Variants in RIN3 observed in about 807,000 individuals in gnomAD.
The protein encoded by RIN3 is Ras and Rab interactor 3, also known as RAB5 interacting protein 3.
RIN3 carries 54 observed loss-of-function variants against 76.3 expected under a neutral mutation model. The observed-to-expected ratio is 0.71, with a 90% confidence interval of 0.57 to 0.89. The LOEUF (loss-of-function observed/expected upper bound fraction) is 0.89. Among genes scored for constraint, RIN3 ranks in the 40% least tolerant of loss-of-function variants. The pLI is 0.00. For missense variants in RIN3, 1,256 were observed against 1,322.1 expected (o/e 0.95, Z 0.78); for synonymous variants, 576 against 564.0 (o/e 1.02, Z -0.30).
At position 92,536,874 on chromosome 14, in the gene RIN3, T is replaced by C. The variant is rs148177703; in HGVS notation, c.45-18877T>C. On this transcript the variant is annotated intron_variant, in intron 1 of 9. Transcript: ENST00000216487. The stretch of plus-strand genomic sequence containing the variant: ...TGGGAATGATAACCGAGTAACCTTA[T>C]AGCATTCTTTTAAAGGATTAAATTG... 1.1e-4 allele frequency among the ~76,000 whole-genome samples: 17 copies of C among 152,238 alleles called. No individual in the cohort carries two copies. The East Asian group carries it at 2.7e-3, about 24-fold the overall frequency.
intron 7 of RIN3, among the ~76,000 whole-genome samples, chr14:92,665,946 G>A (rs1459512305): frequency 6.6e-6 from 1 of 151,994 alleles, no homozygotes. Context: ...CTTGCTACCC[G>A]AGGTGTGGTA....
At chr14:92,605,880 C>T (rs1008567903) in intron 3 of RIN3, among the ~76,000 whole-genome samples, 3 of 152,156 alleles carry the variant, frequency 2.0e-5, no homozygotes, top group Non-Finnish European at 2.9e-5. Context: ...AAGAATTGAC[C>T]GTTAATTAAA....
At position 92,555,964 on chromosome 14, in the gene RIN3, G is replaced by A. The variant is rs750059421; in HGVS notation, c.249+9G>A. 1 of 1,609,690 alleles carries A rather than the reference G, an allele frequency of 6.2e-7. No individual in the cohort carries two copies. The highest frequency in any genetic ancestry group is 1.1e-5 in the South Asian group (1 of 90,952). ...ACCGGGTGGTGGCTGGGGTGAGTGG[G>A]GGCGTCTCCCACTTGGTAGGCACAC... On this transcript the variant is annotated intron_variant, in intron 2 of 9. Transcript: ENST00000216487.
intron 1 of RIN3, among the ~76,000 whole-genome samples, chr14:92,548,862 A>C (rs1595406541): frequency 6.6e-6 from 1 of 152,138 alleles, no homozygotes; most frequent in East Asian, 1.9e-4. Context: ...CTCGGGGGAC[A>C]CAATTCAACC....
intron 6 of RIN3, among the ~76,000 whole-genome samples, chr14:92,653,823 G>T (rs1404002257): frequency 6.6e-6 from 1 of 152,166 alleles, no homozygotes; most frequent in East Asian, 1.9e-4. Context: ...TTCAAGACCA[G>T]CCTGGGCAAC....
chr14:92,676,419 G>A (rs1294393074), intron 7 of RIN3, 56 bp from the exon 8 acceptor site: 4 of 1,594,182 alleles, frequency 2.5e-6, no homozygotes, highest in Non-Finnish European at 3.4e-6. Flanking sequence ...TGGGCAGAGA[G>A]CATCTCACAA....
At chr14:92,572,846 G>A (rs1898101540) in intron 2 of RIN3, among the ~76,000 whole-genome samples, 2 of 149,076 alleles carry the variant, frequency 1.3e-5, no homozygotes, top group Admixed American at 1.3e-4. Flanking sequence ...AAGTCTGGTG[G>A]TCTCCTGTAG....
intron 7 of RIN3, among the ~76,000 whole-genome samples, chr14:92,668,921 C>A (rs988138791): frequency 6.6e-6 from 1 of 152,216 alleles, no homozygotes; most frequent in Non-Finnish European, 1.5e-5. Context: ...TTCTAAATGG[C>A]CTCTACTTCC....
intron 2 of RIN3, chr14:92,576,519 G>C: frequency 1.3e-6 from 1 of 775,726 alleles, no homozygotes; most frequent in Non-Finnish European, 1.9e-6. Flanking sequence ...CTCATGGCAT[G>C]GAGGTCCCAA....
At chr14:92,594,445 A>G (rs1005740384) in intron 3 of RIN3, among the ~76,000 whole-genome samples, 10 of 152,154 alleles carry the variant, frequency 6.6e-5, no homozygotes, top group African/African-American at 2.4e-4. Context: ...AAAAAAAAAA[A>G]AAAAATTGTA....
intron 5 of RIN3, among the ~76,000 whole-genome samples, chr14:92,647,362 A>G (rs770035898): frequency 6.6e-6 from 1 of 152,232 alleles, no homozygotes; most frequent in Non-Finnish European, 1.5e-5. Flanking sequence ...AGGAGGAGCA[A>G]TTCAGCCCTC....
At chr14:92,525,680 A>G (rs540997111) in intron 1 of RIN3, among the ~76,000 whole-genome samples, 83 of 152,260 alleles carry the variant, frequency 5.5e-4, no homozygotes, top group Non-Finnish European at 1.1e-3. Flanking sequence ...AGGGTCGGCC[A>G]CAGTGTTGGG....
chr14:92,598,833 A>C (rs1169126375), intron 3 of RIN3, among the ~76,000 whole-genome samples: 1 of 152,184 alleles, frequency 6.6e-6, no homozygotes, highest in African/African-American at 2.4e-5. Context: ...TTATATTAAA[A>C]TGATGTTAGG....
intron 1 of RIN3, among the ~76,000 whole-genome samples, chr14:92,531,700 G>T (rs1487298442): frequency 6.6e-6 from 1 of 152,164 alleles, no homozygotes; most frequent in African/African-American, 2.4e-5. Context: ...ACGCTGTGTA[G>T]TTTCCTGCAA....
chr14:92,554,306 G>A (rs1005662646), intron 1 of RIN3, among the ~76,000 whole-genome samples: 3 of 152,294 alleles, frequency 2.0e-5, no homozygotes, highest in Admixed American at 2.0e-4. Flanking sequence ...GTCTTGGGGA[G>A]GGTCTGGGAT....
intron 2 of RIN3, among the ~76,000 whole-genome samples, chr14:92,574,672 G>A (rs1197377970): frequency 6.6e-6 from 1 of 152,152 alleles, no homozygotes; most frequent in Non-Finnish European, 1.5e-5. Flanking sequence ...GTATCACCAG[G>A]AGTACCCCTT....
intron 3 of RIN3, among the ~76,000 whole-genome samples, chr14:92,599,837 A>G (rs1885282381): frequency 6.6e-6 from 1 of 152,068 alleles, no homozygotes; most frequent in Non-Finnish European, 1.5e-5. Context: ...GGGCTATACA[A>G]CTCCCATCTT....
At chr14:92,552,706 G>A (rs1897463630) in intron 1 of RIN3, among the ~76,000 whole-genome samples, 1 of 151,964 alleles carries the variant, frequency 6.6e-6, no homozygotes, top group African/African-American at 2.4e-5. Context: ...ACCTTTTCCG[G>A]GTGTCTTCCC....
intron 3 of RIN3, among the ~76,000 whole-genome samples, chr14:92,593,734 C>G (rs868015130): frequency 6.6e-6 from 1 of 152,102 alleles, no homozygotes; most frequent in Admixed American, 6.5e-5. Context: ...TAATTTCAGT[C>G]AGGGTAGACT....
Sources: gnomAD v4.1 joint callset for allele counts (sites outside exome capture counted in the v4.1 genomes callset) on GRCh38, gnomAD v4.1.1 for gene constraint, MANE v1.5 for transcripts, NCBI Gene and HGNC (gene_info 2026-07-23, HGNC 2026-07-21) for gene names.